Variants in GOLPH3L observed in about 807,000 individuals in gnomAD.
The protein encoded by GOLPH3L is golgi phosphoprotein 3 like.
In GOLPH3L, 22 loss-of-function variants were observed where a neutral mutation model predicts 30.3. That is an observed-to-expected ratio of 0.73 (90% CI 0.52 to 1.04). The LOEUF (loss-of-function observed/expected upper bound fraction) is 1.04. GOLPH3L is among the 50% of genes least tolerant of loss of function. The pLI, the probability that GOLPH3L is intolerant of heterozygous loss-of-function variation, is 0.00. For missense variants in GOLPH3L, 303 were observed against 345.8 expected (o/e 0.88, Z 0.98); for synonymous variants, 120 against 128.2 (o/e 0.94, Z 0.43).
chr1:150,650,802 G>A (rs1650087281), intron 4 of GOLPH3L, among the ~76,000 whole-genome samples: 1 of 152,104 alleles, frequency 6.6e-6, no homozygotes, highest in African/African-American at 2.4e-5. Flanking sequence ...TATCTAAAAT[G>A]TCCAGTTTTT....
intron 4 of GOLPH3L, among the ~76,000 whole-genome samples, chr1:150,660,584 G>A (rs138890181): frequency 1.1e-4 from 17 of 152,240 alleles, no homozygotes; most frequent in East Asian, 9.6e-4. Context: ...TACATACAAC[G>A]GAATATCACT....
At chr1:150,665,307 T>C (rs1417990259) in intron 2 of GOLPH3L, among the ~76,000 whole-genome samples, 1 of 151,900 alleles carries the variant, frequency 6.6e-6, no homozygotes, top group Non-Finnish European at 1.5e-5. Context: ...TAGATCATAG[T>C]TGTGCATATT....
intron 2 of GOLPH3L, among the ~76,000 whole-genome samples, chr1:150,684,396 C>T (rs1344310688): frequency 6.6e-6 from 1 of 152,000 alleles, no homozygotes; most frequent in African/African-American, 2.4e-5. Context: ...TGCCTAGGCT[C>T]GTTTCAAACT....
At position 150,648,073 on chromosome 1, in the gene GOLPH3L, T is replaced by G; in HGVS notation, c.*248A>C. 2.6e-6 allele frequency: 1 copy of G among 391,402 alleles called. No homozygotes were observed. The highest frequency in any genetic ancestry group is 4.5e-6 in the Non-Finnish European group (1 of 220,454). The allele number at this position is 391,402 out of a possible 1,614,324, so 24.2% of individuals were successfully genotyped here. The stretch of plus-strand genomic sequence containing the variant: ...AACTAAACCACCAAATGGGAGAAAA[T>G]GTTCATTGGGTGTGTGTGGCTTCAC... On this transcript the variant is annotated 3_prime_UTR_variant, in exon 5 of 5. Coordinates refer to ENST00000271732, the MANE Select transcript of GOLPH3L (RefSeq NM_018178.6).
At chr1:150,677,751 A>G (rs2101806489) in intron 2 of GOLPH3L, among the ~76,000 whole-genome samples, 1 of 151,608 alleles carries the variant, frequency 6.6e-6, no homozygotes, top group African/African-American at 2.4e-5. Flanking sequence ...TCAGCCTCCT[A>G]AGTGGATGGA....
chr1:150,686,827 A>G (rs1453741956), intron 2 of GOLPH3L, among the ~76,000 whole-genome samples: 1 of 152,222 alleles, frequency 6.6e-6, no homozygotes, highest in East Asian at 1.9e-4. Context: ...GATCTTAATG[A>G]AATAGCTTAA....
intron 4 of GOLPH3L, among the ~76,000 whole-genome samples, chr1:150,657,557 CTT>C (rs976711957): frequency 1.1e-4 from 17 of 152,250 alleles, no homozygotes; most frequent in African/African-American, 3.9e-4. Context: ...CCTTTTCTCA[CTT>C]TGTCTGGGCT....
chr1:150,696,929 A>C (rs1157415323), intron 1 of GOLPH3L, 63 bp downstream of exon 1: 1 of 152,162 alleles, frequency 6.6e-6, no homozygotes, highest in African/African-American at 2.4e-5. Context: ...TAATTTTAAA[A>C]AATAGAGGTT....
chr1:150,675,364 A>C (rs1191711372), intron 2 of GOLPH3L, among the ~76,000 whole-genome samples: 1 of 152,084 alleles, frequency 6.6e-6, no homozygotes, highest in Non-Finnish European at 1.5e-5. Flanking sequence ...AATAAAAATC[A>C]CCCATAAATT....
At position 150,648,177 on chromosome 1, in the gene GOLPH3L, C is replaced by T; in HGVS notation, c.*144G>A. On this transcript the variant is annotated 3_prime_UTR_variant, in exon 5 of 5. Transcript: ENST00000271732. ...AATGGTCAAGGTCTATGGAGAAGCCCTGAAGTTGCTCTCCCCAAATCACAA... is the reference window on the plus strand; with the variant it reads ...AATGGTCAAGGTCTATGGAGAAGCCTTGAAGTTGCTCTCCCCAAATCACAA... 3.2e-6 allele frequency: 2 copies of T among 616,800 alleles called. No individual in the cohort carries two copies. Among genetic ancestry groups the T allele is most frequent in the South Asian group, 4.2e-5 (2 of 47,494 alleles). 38.2% of individuals were successfully genotyped at this position (616,800 alleles called of 1,614,324 possible).
At chr1:150,675,252 G>A (rs1650745710) in intron 2 of GOLPH3L, among the ~76,000 whole-genome samples, 1 of 151,864 alleles carries the variant, frequency 6.6e-6, no homozygotes, top group Middle Eastern at 3.2e-3. Context: ...GCAAAACTAG[G>A]TAAGTGTAGA....
At chr1:150,672,743 A>G (rs1650674438) in intron 2 of GOLPH3L, among the ~76,000 whole-genome samples, 1 of 152,022 alleles carries the variant, frequency 6.6e-6, no homozygotes, top group South Asian at 2.1e-4. Context: ...GAGATTTTAT[A>G]AAATAGATCA....
intron 2 of GOLPH3L, among the ~76,000 whole-genome samples, chr1:150,679,802 A>AAAT (rs1268138229): frequency 1.3e-5 from 2 of 152,120 alleles, no homozygotes; most frequent in South Asian, 2.1e-4. Flanking sequence ...CTGTTACCAA[A>AAAT]AATAATAATA....
At chr1:150,680,889 C>T (rs1650933412) in intron 2 of GOLPH3L, among the ~76,000 whole-genome samples, 2 of 152,180 alleles carry the variant, frequency 1.3e-5, no homozygotes, top group Admixed American at 1.3e-4. Context: ...TGGCTCATGC[C>T]TGTAATCCCA....
intron 4 of GOLPH3L, among the ~76,000 whole-genome samples, chr1:150,658,334 T>C (rs1249763701): frequency 2.0e-5 from 3 of 152,246 alleles, no homozygotes; most frequent in Non-Finnish European, 4.4e-5. Context: ...GTGATCACCA[T>C]TGCTGTGCGT....
At chr1:150,654,968 T>C (rs2101780559) in intron 4 of GOLPH3L, among the ~76,000 whole-genome samples, 1 of 152,308 alleles carries the variant, frequency 6.6e-6, no homozygotes, top group Middle Eastern at 3.4e-3. Flanking sequence ...TTGTTATATC[T>C]ACTTCTGTTC....
rs397793655 is a variant in GOLPH3L, at chr1:150,671,806, C to CAA, written c.184-8045_184-8044dup. On this transcript the variant is annotated intron_variant, in intron 2 of 4. Coordinates refer to ENST00000271732, the MANE Select transcript of GOLPH3L (RefSeq NM_018178.6). Reference sequence around the variant, plus strand: ...GGACAACGAGAGCAAAACTCCGTCTCAAAAAAAAAAAAAAAAAAAAAAGAG... The same window carrying CAA: ...GGACAACGAGAGCAAAACTCCGTCTCAAAAAAAAAAAAAAAAAAAAAAAAGAG... Among the ~76,000 whole-genome samples the CAA allele has an allele frequency of 8.6e-3, 383 of 44,496 alleles. 2 individuals carry two copies. The highest frequency in any genetic ancestry group is 0.014 in the Middle Eastern group (1 of 74). The allele number at this position is 44,496 out of a possible 152,430, so 29.2% of individuals were successfully genotyped here.
chr1:150,694,213 G>C (rs1651291850), intron 2 of GOLPH3L: 1 of 425,936 alleles, frequency 2.3e-6, no homozygotes, highest in Non-Finnish European at 4.8e-6. Context: ...AATTATTTCT[G>C]CTATAAGAAA....
At chr1:150,654,449 G>C (rs1650195298) in intron 4 of GOLPH3L, among the ~76,000 whole-genome samples, 1 of 151,834 alleles carries the variant, frequency 6.6e-6, no homozygotes, top group Non-Finnish European at 1.5e-5. Flanking sequence ...AGAGGTTGCA[G>C]CGAGCCAAGA....
Sources: gnomAD v4.1 joint callset for allele counts (sites outside exome capture counted in the v4.1 genomes callset) on GRCh38, gnomAD v4.1.1 for gene constraint, MANE v1.5 for transcripts, NCBI Gene and HGNC (gene_info 2026-07-23, HGNC 2026-07-21) for gene names.